The following SORCS3 variants were observed in gnomAD, a reference collection of about 807,000 sequenced individuals.
The protein encoded by SORCS3 is sortilin related VPS10 domain containing receptor 3.
Under a neutral mutation model 146.3 loss-of-function variants are expected in SORCS3, and 57 were observed. The ratio of observed to expected loss-of-function variants is 0.39; its 90% CI spans 0.31 to 0.49. The LOEUF is 0.49. Ranked by LOEUF, SORCS3 falls within the 20% of genes least tolerant of loss-of-function variation. SORCS3 has a pLI of 0.92. For missense variants in SORCS3, 1,341 were observed against 1,575.5 expected (o/e 0.85, Z 2.52); for synonymous variants, 653 against 618.5 (o/e 1.06, Z -0.83).
chr10:104,902,539 T>C (rs1242339417), intron 2 of SORCS3, among the ~76,000 whole-genome samples: 1 of 152,258 alleles, frequency 6.6e-6, no homozygotes, highest in African/African-American at 2.4e-5. Context: ...GCAACCTTCT[T>C]GTTCCAAAGA....
At chr10:105,098,222 G>A (rs902816473) in intron 6 of SORCS3, among the ~76,000 whole-genome samples, 20 of 152,198 alleles carry the variant, frequency 1.3e-4, no homozygotes, top group African/African-American at 3.1e-4. Flanking sequence ...CGAGGACAAA[G>A]TGGGGGCTAA....
intron 2 of SORCS3, among the ~76,000 whole-genome samples, chr10:104,858,208 A>G (rs568884064): frequency 6.6e-6 from 1 of 152,214 alleles, no homozygotes; most frequent in Non-Finnish European, 1.5e-5. Flanking sequence ...AAATATACCA[A>G]TCATCTAAAT....
At chr10:104,678,293 A>G (rs1240834976) in intron 1 of SORCS3, among the ~76,000 whole-genome samples, 6 of 152,130 alleles carry the variant, frequency 3.9e-5, no homozygotes, top group African/African-American at 1.2e-4. Context: ...CAAGTGACTT[A>G]TAGAGAGTTC....
At chr10:104,860,804 G>A (rs4399267) in intron 2 of SORCS3, among the ~76,000 whole-genome samples, 39 of 152,258 alleles carry the variant, frequency 2.6e-4, no homozygotes, top group Non-Finnish European at 4.3e-4. Context: ...ATGCTTACTA[G>A]GTGTTTGAGC....
intron 14 of SORCS3, among the ~76,000 whole-genome samples, chr10:105,199,436 T>C (rs943973723): frequency 6.6e-6 from 1 of 152,162 alleles, no homozygotes; most frequent in Non-Finnish European, 1.5e-5. Context: ...TAGGTATTCA[T>C]GTGCGTTAAA....
rs961373234 is a variant in SORCS3, at chr10:104,656,536, T to C, written c.627+14582T>C. On this transcript the variant is annotated intron_variant, in intron 1 of 26. Transcript: ENST00000369701. ...AGCTGGGCATGGTGGAATGCACTTG[T>C]GGTCCCAGCTACTCAGGTGGCTGAG... Among the ~76,000 whole-genome samples the C allele has an allele frequency of 8.5e-5, 13 of 152,074 alleles. No homozygotes were observed. In the East Asian group the frequency reaches 2.5e-3, roughly 30 times the overall value.
rs556209209 is a variant in SORCS3, at chr10:104,686,134, C to T, written c.627+44180C>T. Among the ~76,000 whole-genome samples, 39 of 152,038 alleles carry T rather than the reference C, an allele frequency of 2.6e-4. No individual in the cohort carries two copies. The South Asian group carries it at 7.7e-3, about 30-fold the overall frequency. ...TAGGGACATCTACTCTAATTTCTCT[C>T]GCAGGCCACCATCACTATCTCTGCG... On this transcript the variant is annotated intron_variant, in intron 1 of 26. Transcript: ENST00000369701.
At position 104,725,588 on chromosome 10, in the gene SORCS3, G is replaced by T. The variant is rs945488080; in HGVS notation, c.627+83634G>T. On this transcript the variant is annotated intron_variant, in intron 1 of 26. Coordinates refer to ENST00000369701, the MANE Select transcript of SORCS3 (RefSeq NM_014978.3). ...TGCCCCTAGAGGTGGAGTCTATAGA[G>T]GCAGGCAGGCCTCCTTGAGCTGAGG... 7.9e-5 allele frequency among the ~76,000 whole-genome samples: 12 copies of T among 152,206 alleles called. 1 individual carries two copies. Among genetic ancestry groups the T allele is most frequent in the Admixed American group, 5.9e-4 (9 of 15,292 alleles).
intron 3 of SORCS3, among the ~76,000 whole-genome samples, chr10:104,926,036 G>T (rs1381227568): frequency 6.6e-6 from 1 of 152,220 alleles, no homozygotes. Context: ...CAGACTGGAA[G>T]CCAGGGTCCG....
chr10:105,068,326 C>G (rs1040618900), intron 5 of SORCS3, among the ~76,000 whole-genome samples: 4 of 152,168 alleles, frequency 2.6e-5, no homozygotes, highest in Non-Finnish European at 5.9e-5. Context: ...GCATCAGTCC[C>G]TCTGAACAGC....
intron 15 of SORCS3, among the ~76,000 whole-genome samples, chr10:105,200,415 T>A (rs1182979668): frequency 6.6e-6 from 1 of 152,184 alleles, no homozygotes; most frequent in Admixed American, 6.5e-5. Context: ...ATGAGCTTTT[T>A]ACAGCTAGAA....
intron 1 of SORCS3, among the ~76,000 whole-genome samples, chr10:104,785,566 A>C (rs1460936277): frequency 1.2e-5 from 1 of 80,820 alleles, no homozygotes; most frequent in African/African-American, 5.4e-5. Context: ...AGAAACACCC[A>C]AGAATTATCA....
intron 3 of SORCS3, among the ~76,000 whole-genome samples, chr10:104,921,694 A>T (rs1257550908): frequency 6.6e-6 from 1 of 152,000 alleles, no homozygotes; most frequent in East Asian, 1.9e-4. Flanking sequence ...CATTTGACAG[A>T]CGAAGAAACT....
intron 4 of SORCS3, among the ~76,000 whole-genome samples, chr10:105,017,304 G>A (rs1316186245): frequency 5.3e-5 from 8 of 152,246 alleles, no homozygotes; most frequent in Non-Finnish European, 1.2e-4. Flanking sequence ...TTGTGTTTAA[G>A]TGACTCACAG....
At chr10:104,867,608 C>A (rs944136802) in intron 2 of SORCS3, among the ~76,000 whole-genome samples, 1 of 152,112 alleles carries the variant, frequency 6.6e-6, no homozygotes, top group Non-Finnish European at 1.5e-5. Context: ...TGCACCTGGC[C>A]CAGTGTACAA....
intron 20 of SORCS3, among the ~76,000 whole-genome samples, chr10:105,234,081 A>G (rs903986868): frequency 6.6e-6 from 1 of 152,132 alleles, no homozygotes; most frequent in Middle Eastern, 3.2e-3. Flanking sequence ...AAGTTTCTTA[A>G]GTTTTTCTTT....
intron 1 of SORCS3, among the ~76,000 whole-genome samples, chr10:104,646,164 T>C (rs545127854): frequency 6.6e-6 from 1 of 152,342 alleles, no homozygotes; most frequent in Admixed American, 6.5e-5. Context: ...GGGCACAGCC[T>C]ATTTATCTGC....
rs965215835 is a variant in SORCS3, at chr10:105,088,161, G to A, written c.1029-1614G>A. 1.3e-5 allele frequency among the ~76,000 whole-genome samples: 2 copies of A among 152,210 alleles called. 1 individual carries two copies. The highest frequency in any genetic ancestry group is 2.9e-5 in the Non-Finnish European group (2 of 68,036). Reference sequence around the variant, plus strand: ...TTGGAGCTCTTCCTGCTGGAAGTCAGGAAGTCTTTCTAATTTTGGCCTAGT... The same window carrying A: ...TTGGAGCTCTTCCTGCTGGAAGTCAAGAAGTCTTTCTAATTTTGGCCTAGT... On this transcript the variant is annotated intron_variant, in intron 5 of 26. Coordinates refer to ENST00000369701, the MANE Select transcript of SORCS3 (RefSeq NM_014978.3).
intron 3 of SORCS3, among the ~76,000 whole-genome samples, chr10:104,931,048 C>T (rs945032849): frequency 6.6e-6 from 1 of 152,136 alleles, no homozygotes; most frequent in Non-Finnish European, 1.5e-5. Context: ...GGACACTCAG[C>T]CTGGGCAATT....
Sources: gnomAD v4.1 joint callset for allele counts (sites outside exome capture counted in the v4.1 genomes callset) on GRCh38, gnomAD v4.1.1 for gene constraint, MANE v1.5 for transcripts, NCBI Gene and HGNC (gene_info 2026-07-23, HGNC 2026-07-21) for gene names.